ATAD2B: variants seen among roughly 807,000 people sequenced by gnomAD.
The protein encoded by ATAD2B is ATPase family AAA domain containing 2B, also known as ATPase family AAA domain-containing protein 2B.
A neutral mutation model predicts 167.6 loss-of-function variants in ATAD2B; 40 were observed. That is an observed-to-expected ratio of 0.24 (90% confidence interval 0.19 to 0.31). The LOEUF (loss-of-function observed/expected upper bound fraction) is 0.31. Ranked by LOEUF, ATAD2B falls within the 10% of genes least tolerant of loss-of-function variation. ATAD2B has a pLI of 1.00. For synonymous variants in ATAD2B, 579 were observed against 596.5 expected, an observed-to-expected ratio of 0.97 and a Z score of 0.43; for missense variants, 1,242 against 1,757.2, an observed-to-expected ratio of 0.71 and a Z score of 5.24.
chr2:23,897,741 T>C (rs1265501699), intron 1 of ATAD2B, among the ~76,000 whole-genome samples: 3 of 152,200 alleles, frequency 2.0e-5, no homozygotes, highest in South Asian at 2.1e-4. Context: ...CCTTACTTTC[T>C]GGCACAACTG....
At chr2:23,921,379 C>A (rs1325320675) in intron 1 of ATAD2B, among the ~76,000 whole-genome samples, 2 of 152,102 alleles carry the variant, frequency 1.3e-5, no homozygotes, top group African/African-American at 4.8e-5. Context: ...CAGACAGGAT[C>A]ACTCAACATT....
chr2:23,713,805 A>T, the ATAD2B span, among the ~76,000 whole-genome samples: 1 of 152,238 alleles, frequency 6.6e-6, no homozygotes, highest in Non-Finnish European at 1.5e-5. Flanking sequence ...GGATATATAC[A>T]AAAATGAATA....
chr2:23,893,721 G>A (rs953301345), intron 2 of ATAD2B, among the ~76,000 whole-genome samples: 1 of 148,244 alleles, frequency 6.7e-6, no homozygotes, highest in African/African-American at 2.5e-5. Flanking sequence ...CCGGGATGGA[G>A]TGCGATGGCG....
At position 23,751,324 on chromosome 2, in the gene ATAD2B, T is replaced by TAA. The variant is rs1221879876; in HGVS notation, c.*720_*721dup. ...GGGTGTCTTGATTGAGCTTTGAGAA[T>TAA]AAGACAGGCATTTCATACCCAAACA... On this transcript the variant is annotated 3_prime_UTR_variant, in exon 28 of 28. Coordinates refer to ENST00000238789, the MANE Select transcript of ATAD2B (RefSeq NM_017552.4). 6.6e-6 allele frequency: 1 copy of TAA among 152,114 alleles called. No individual in the cohort carries two copies. Among genetic ancestry groups the TAA allele is most frequent in the African/African-American group, 2.4e-5 (1 of 41,430 alleles). The allele number at this position is 152,114 out of a possible 1,614,324, so 9.4% of individuals were successfully genotyped here.
At chr2:23,921,417 A>G (rs1703916486) in intron 1 of ATAD2B, among the ~76,000 whole-genome samples, 1 of 152,158 alleles carries the variant, frequency 6.6e-6, no homozygotes, top group Admixed American at 6.5e-5. Context: ...TGGGCTTCTC[A>G]GTTCTCATAA....
chr2:23,791,698 AC>A (rs1260024087), intron 19 of ATAD2B, among the ~76,000 whole-genome samples: 1 of 152,222 alleles, frequency 6.6e-6, no homozygotes, highest in Non-Finnish European at 1.5e-5. Context: ...CATCCATGTT[AC>A]AACATGCATC....
chr2:23,783,641 T>C (rs1680385038), intron 21 of ATAD2B, among the ~76,000 whole-genome samples: 4 of 152,072 alleles, frequency 2.6e-5, no homozygotes, highest in Admixed American at 2.6e-4. Flanking sequence ...CAAACAAACA[T>C]GCTGCTTTCT....
At chr2:23,720,687 A>G in the ATAD2B span, among the ~76,000 whole-genome samples, 1 of 151,812 alleles carries the variant, frequency 6.6e-6, no homozygotes, top group Admixed American at 6.6e-5. Context: ...ACTTCCCATC[A>G]CAGGGAAAAG....
chr2:23,692,434 C>T, the ATAD2B span, among the ~76,000 whole-genome samples: 2 of 152,214 alleles, frequency 1.3e-5, no homozygotes, highest in Admixed American at 6.5e-5. Flanking sequence ...CCCGCATGGG[C>T]GACGGCAAGG....
chr2:23,783,914 T>G (rs1166200484), intron 21 of ATAD2B, among the ~76,000 whole-genome samples: 1 of 152,112 alleles, frequency 6.6e-6, no homozygotes, highest in Non-Finnish European at 1.5e-5. Flanking sequence ...ACCATTATTT[T>G]TAAATTTACA....
chr2:23,878,976 C>T (rs749395273), intron 7 of ATAD2B, among the ~76,000 whole-genome samples: 1 of 152,088 alleles, frequency 6.6e-6, no homozygotes, highest in African/African-American at 2.4e-5. Context: ...ATAATAAATA[C>T]CTGTTAAAAT....
intron 12 of ATAD2B, among the ~76,000 whole-genome samples, chr2:23,859,816 G>T (rs143784146): frequency 2.0e-5 from 3 of 151,830 alleles, no homozygotes; most frequent in South Asian, 2.1e-4. Flanking sequence ...CGCGTGGCGG[G>T]GGGGGCACCT....
intron 24 of ATAD2B, among the ~76,000 whole-genome samples, chr2:23,760,697 T>TATATATATATATACACACACAC (rs1676561710): frequency 8.5e-6 from 1 of 118,008 alleles, no homozygotes; most frequent in Non-Finnish European, 1.8e-5. Flanking sequence ...AATTTATATA[T>TATATATATATATACACACACAC]ATACACACAC....
chr2:23,696,347 G>A, the ATAD2B span: 4 of 1,551,628 alleles, frequency 2.6e-6, no homozygotes, highest in Non-Finnish European at 3.5e-6. This position sits in a 1 kb window ranked among gnomAD's most constrained non-coding sequence, Gnocchi z 5.5. Context: ...GATGGAATCA[G>A]GGGTGACGCT....
At chr2:23,706,704 G>A in the ATAD2B span, 1 of 1,406,066 alleles carries the variant, frequency 7.1e-7, no homozygotes, top group South Asian at 1.5e-5. Context: ...GGACAAGTCT[G>A]GTGAGGCAAG....
intron 22 of ATAD2B, among the ~76,000 whole-genome samples, chr2:23,772,213 A>T (rs1678440571): frequency 6.6e-6 from 1 of 152,160 alleles, no homozygotes. Context: ...AGAAAAGAAG[A>T]AGTCTCCTGG....
chr2:23,883,651 T>C, intron 6 of ATAD2B: 2 of 1,275,868 alleles, frequency 1.6e-6, no homozygotes, highest in Non-Finnish European at 2.1e-6. Flanking sequence ...ACAACAATAA[T>C]ATTTGCTCAA....
chr2:23,860,983 T>C (rs1694263566), intron 12 of ATAD2B, among the ~76,000 whole-genome samples: 1 of 151,782 alleles, frequency 6.6e-6, no homozygotes, highest in African/African-American at 2.4e-5. Context: ...AATAAATAAA[T>C]AAATAAATAA....
intron 1 of ATAD2B, among the ~76,000 whole-genome samples, chr2:23,907,029 C>G (rs1445777138): frequency 6.6e-6 from 1 of 150,692 alleles, no homozygotes; most frequent in Non-Finnish European, 1.5e-5. Flanking sequence ...TGGGCAAAAA[C>G]TGGAAGCATT....
Sources: allele counts gnomAD v4.1 joint callset (sites outside exome capture counted in the v4.1 genomes callset), GRCh38; gene constraint gnomAD v4.1.1; non-coding constraint Gnocchi (gnomAD v3.1); transcripts MANE v1.5; gene names NCBI Gene and HGNC (gene_info 2026-07-23, HGNC 2026-07-21).